Variants in GPC6 observed in about 807,000 individuals in gnomAD.
GPC6 encodes the protein glypican-6.
GPC6 carries 14 observed loss-of-function variants against 55.2 expected under a neutral mutation model. That is an observed-to-expected ratio of 0.25 (90% CI 0.17 to 0.40). The LOEUF is 0.40. Ranked by LOEUF, GPC6 falls within the 10% of genes least tolerant of loss-of-function variation. The pLI, the probability that GPC6 is intolerant of heterozygous loss-of-function variation, is 1.00. For synonymous variants in GPC6, 278 were observed against 259.6 expected, an observed-to-expected ratio of 1.07 and a Z score of -0.68; for missense variants, 641 against 708.5, an observed-to-expected ratio of 0.90 and a Z score of 1.08.
At chr13:94,095,880 A>G (rs1250380241) in intron 4 of GPC6, among the ~76,000 whole-genome samples, 1 of 152,180 alleles carries the variant, frequency 6.6e-6, no homozygotes, top group Non-Finnish European at 1.5e-5. Context: ...ATGTTTACTA[A>G]TGCTTATTAT....
At chr13:93,233,946 G>A (rs894180886) in intron 1 of GPC6, among the ~76,000 whole-genome samples, 11 of 152,180 alleles carry the variant, frequency 7.2e-5, no homozygotes, top group African/African-American at 2.7e-4. Context: ...AAAAAGCCCA[G>A]TAGTGCTAAA....
chr13:94,290,636 T>A (rs1278478017), intron 5 of GPC6, among the ~76,000 whole-genome samples: 1 of 152,146 alleles, frequency 6.6e-6, no homozygotes, highest in Non-Finnish European at 1.5e-5. Flanking sequence ...GCACCTCACA[T>A]ATTTATCATT....
intron 3 of GPC6, 67 bp downstream of exon 3, chr13:93,830,612 T>TAAAAA (rs369020255): frequency 5.9e-4 from 192 of 326,328 alleles, no homozygotes; most frequent in African/African-American, 1.6e-3. Flanking sequence ...AACCAATGTT[T>TAAAAA]AAAAAAAAAA....
In GPC6 at chr13:93,507,053, C is replaced by T. The variant is rs371660878; in HGVS notation, c.161-38210C>T. Among the ~76,000 whole-genome samples, 283 of 102,778 alleles carry T rather than the reference C, an allele frequency of 2.8e-3. 1 individual carries two copies. Among genetic ancestry groups the T allele is most frequent in the African/African-American group, 0.011 (276 of 25,460 alleles). The allele number at this position is 102,778 out of a possible 152,430, so 67.4% of individuals were successfully genotyped here. A position where few individuals can be genotyped will look rare whatever the true frequency, so the allele number is the denominator to read the frequency against. On this transcript the variant is annotated intron_variant, in intron 1 of 8. Coordinates refer to ENST00000377047, the MANE Select transcript of GPC6 (RefSeq NM_005708.5). ...CTACAGCCTGGGCGACAGAGCGAGA[C>T]TCCGTCTCAAAAAAAAAAAAAAAAA...
At chr13:94,079,213 T>C (rs2138793720) in intron 4 of GPC6, among the ~76,000 whole-genome samples, 1 of 152,148 alleles carries the variant, frequency 6.6e-6, no homozygotes, top group South Asian at 2.1e-4. Context: ...TTTTTATATT[T>C]CACGGATCCT....
intron 6 of GPC6, among the ~76,000 whole-genome samples, chr13:94,362,133 C>T (rs1879082020): frequency 6.6e-6 from 1 of 152,188 alleles, no homozygotes; most frequent in African/African-American, 2.4e-5. Flanking sequence ...GCTAAAAATA[C>T]ATACTTTTGC....
intron 3 of GPC6, among the ~76,000 whole-genome samples, chr13:93,988,400 G>A (rs9516325): frequency 0.14 from 20,708 of 151,946 alleles, 1,685 homozygotes; most frequent in East Asian, 0.27. Context: ...TGTACCTTTC[G>A]GATAGGACTT....
At chr13:93,640,232 C>T (rs770918473) in intron 2 of GPC6, among the ~76,000 whole-genome samples, 2 of 149,840 alleles carry the variant, frequency 1.3e-5, no homozygotes, top group Non-Finnish European at 3.0e-5. Context: ...GTTAAAAATC[C>T]TTTTTTCAGC....
chr13:93,533,584 C>A (rs1039655957), intron 1 of GPC6, among the ~76,000 whole-genome samples: 20 of 152,158 alleles, frequency 1.3e-4, no homozygotes, highest in African/African-American at 4.8e-4. Context: ...GCCCTCTGAT[C>A]AATTGGAATT....
At chr13:94,238,722 T>A (rs1890957122) in intron 4 of GPC6, among the ~76,000 whole-genome samples, 1 of 152,108 alleles carries the variant, frequency 6.6e-6, no homozygotes. Flanking sequence ...AGCGAGGGTC[T>A]CCCACAGTTT....
chr13:93,392,514 C>A (rs1875670059), intron 1 of GPC6, among the ~76,000 whole-genome samples: 1 of 152,068 alleles, frequency 6.6e-6, no homozygotes, highest in South Asian at 2.1e-4. Context: ...GCAGAAATAC[C>A]CCAATGCAAG....
chr13:93,530,714 A>T (rs892482790), intron 1 of GPC6, among the ~76,000 whole-genome samples: 4 of 152,138 alleles, frequency 2.6e-5, no homozygotes, highest in African/African-American at 9.7e-5. Flanking sequence ...TTAAAATAAA[A>T]ATGGTGGACC....
At chr13:94,200,010 G>T (rs915674813) in intron 4 of GPC6, among the ~76,000 whole-genome samples, 1 of 152,092 alleles carries the variant, frequency 6.6e-6, no homozygotes, top group Non-Finnish European at 1.5e-5. Context: ...TACAAATTTA[G>T]CTGGGTGTGG....
chr13:93,516,756 A>G (rs779442737), intron 1 of GPC6, among the ~76,000 whole-genome samples: 4 of 152,140 alleles, frequency 2.6e-5, no homozygotes, highest in Non-Finnish European at 5.9e-5. Flanking sequence ...ATAAGAACAT[A>G]TATGTGGGAT....
At position 94,185,096 on chromosome 13, in the gene GPC6, C is replaced by T. The variant is rs1214963378; in HGVS notation, c.878-101253C>T. Among the ~76,000 whole-genome samples, 3 of 152,102 alleles carry T rather than the reference C, an allele frequency of 2.0e-5. No homozygotes were observed. In the East Asian group the frequency reaches 5.8e-4, roughly 29 times the overall value. The stretch of plus-strand genomic sequence containing the variant: ...ATATGTGGGAGGTAAACATTGAGCA[C>T]CCATGGACATAAACCTGGGAACAGT... On this transcript the variant is annotated intron_variant, in intron 4 of 8. Coordinates refer to ENST00000377047, the MANE Select transcript of GPC6 (RefSeq NM_005708.5).
At chr13:93,492,433 G>T (rs914350420) in intron 1 of GPC6, among the ~76,000 whole-genome samples, 2 of 149,808 alleles carry the variant, frequency 1.3e-5, no homozygotes, top group African/African-American at 4.9e-5. Context: ...TGAGACGATG[G>T]GGTTTTCTGG....
At chr13:93,770,075 T>G (rs2138890568) in intron 2 of GPC6, among the ~76,000 whole-genome samples, 1 of 152,276 alleles carries the variant, frequency 6.6e-6, no homozygotes, top group East Asian at 1.9e-4. Context: ...TATTTAGGGT[T>G]GAAGATGAGG....
intron 4 of GPC6, among the ~76,000 whole-genome samples, chr13:94,167,278 A>G (rs931653579): frequency 5.3e-5 from 8 of 152,232 alleles, no homozygotes; most frequent in African/African-American, 1.7e-4. Flanking sequence ...TTGTGTAGTC[A>G]TAACAGTGTT....
intron 3 of GPC6, among the ~76,000 whole-genome samples, chr13:93,968,201 T>C (rs950729773): frequency 6.6e-6 from 1 of 152,162 alleles, no homozygotes; most frequent in Admixed American, 6.5e-5. Flanking sequence ...CCAATTGATA[T>C]GGAAGAGAGA....
Sources: gnomAD v4.1 joint callset for allele counts (sites outside exome capture counted in the v4.1 genomes callset) on GRCh38, gnomAD v4.1.1 for gene constraint, MANE v1.5 for transcripts, NCBI Gene and HGNC (gene_info 2026-07-23, HGNC 2026-07-21) for gene names.